SNX24: variants seen among roughly 807,000 people sequenced by gnomAD.
SNX24 encodes the protein sorting nexin 24.
Under a neutral mutation model 28.7 loss-of-function variants are expected in SNX24, and 22 were observed. The observed-to-expected ratio is 0.77, with a 90% CI of 0.55 to 1.10. SNX24 has a LOEUF of 1.10. Ranked by LOEUF, SNX24 falls within the 50% of genes least tolerant of loss-of-function variation. SNX24 has a pLI of 0.00. For missense variants in SNX24, 221 were observed against 201.1 expected (o/e 1.10, Z -0.60); for synonymous variants, 69 against 71.5 (o/e 0.96, Z 0.18).
intron 1 of SNX24, among the ~76,000 whole-genome samples, chr5:122,866,569 G>T (rs1755730998): frequency 6.6e-6 from 1 of 152,162 alleles, no homozygotes; most frequent in South Asian, 2.1e-4. Flanking sequence ...TGAAGGGTCT[G>T]GGCTATTAGT....
intron 3 of SNX24, among the ~76,000 whole-genome samples, chr5:122,959,313 A>G (rs898090774): frequency 5.5e-5 from 8 of 145,192 alleles, no homozygotes; most frequent in African/African-American, 1.5e-4. Flanking sequence ...TATTCCATTT[A>G]TCTCTACTCT....
At chr5:122,959,721 C>T (rs1760391225) in intron 3 of SNX24, among the ~76,000 whole-genome samples, 1 of 151,888 alleles carries the variant, frequency 6.6e-6, no homozygotes. Flanking sequence ...TTAGGTTACA[C>T]ACCTGTAAAG....
chr5:122,974,535 A>T (rs534419547), intron 3 of SNX24, among the ~76,000 whole-genome samples: 37 of 152,366 alleles, frequency 2.4e-4, no homozygotes, highest in African/African-American at 8.9e-4. Flanking sequence ...TGCCAAATCA[A>T]TGGCTGCATA....
chr5:122,882,246 C>T (rs1471312986), intron 1 of SNX24, among the ~76,000 whole-genome samples: 2 of 152,188 alleles, frequency 1.3e-5, no homozygotes, highest in Non-Finnish European at 2.9e-5. Context: ...CCACCACACA[C>T]ACTGAATTTT....
chr5:122,945,927 T>C, intron 2 of SNX24, 128 bp from the exon 3 acceptor site: 1 of 518,914 alleles, frequency 1.9e-6, no homozygotes. Context: ...TATTTTCCTC[T>C]ATTTTTTATT....
At chr5:122,971,896 G>A (rs1199944436) in intron 3 of SNX24, among the ~76,000 whole-genome samples, 1 of 151,890 alleles carries the variant, frequency 6.6e-6, no homozygotes, top group Non-Finnish European at 1.5e-5. Flanking sequence ...ACCTGGTGGA[G>A]TGATCCAAAC....
chr5:122,988,681 GA>G (rs1181636908), intron 3 of SNX24, among the ~76,000 whole-genome samples: 2 of 152,122 alleles, frequency 1.3e-5, no homozygotes, highest in African/African-American at 4.8e-5. Flanking sequence ...TACAGTCTAT[GA>G]TTTGTTTAAA....
At chr5:122,950,119 CA>C (rs1199907721) in intron 3 of SNX24, among the ~76,000 whole-genome samples, 3 of 152,162 alleles carry the variant, frequency 2.0e-5, no homozygotes, top group Admixed American at 6.5e-5. Flanking sequence ...TTAAGTATAA[CA>C]GTACCTTTCT....
intron 3 of SNX24, among the ~76,000 whole-genome samples, chr5:122,990,393 C>CT (rs1308685038): frequency 5.3e-5 from 8 of 152,268 alleles, no homozygotes; most frequent in African/African-American, 1.9e-4. Flanking sequence ...TATGTCTAAA[C>CT]TATAGTACAG....
At chr5:122,915,732 A>C (rs1036526757) in intron 1 of SNX24, among the ~76,000 whole-genome samples, 3 of 152,176 alleles carry the variant, frequency 2.0e-5, no homozygotes, top group Non-Finnish European at 2.9e-5. Context: ...GCTGGTCTTT[A>C]GTGTGGCCTG....
intron 1 of SNX24, chr5:122,853,628 A>G (rs1353044358): frequency 3.4e-5 from 12 of 350,376 alleles, no homozygotes; most frequent in African/African-American, 8.6e-5. Flanking sequence ...TTTTTTTTAG[A>G]TGTTATTTTC....
chr5:122,886,790 A>C (rs1196851537), intron 1 of SNX24, among the ~76,000 whole-genome samples: 1 of 151,866 alleles, frequency 6.6e-6, no homozygotes, highest in Non-Finnish European at 1.5e-5. Context: ...AGATCACGCC[A>C]TTGCACTCCA....
intron 3 of SNX24, among the ~76,000 whole-genome samples, chr5:122,996,543 A>C (rs1031346698): frequency 8.5e-5 from 13 of 152,236 alleles, no homozygotes; most frequent in African/African-American, 1.4e-4. Context: ...AATTATCCAA[A>C]CTTCAAAATG....
chr5:122,862,029 C>G (rs527537559), intron 1 of SNX24, among the ~76,000 whole-genome samples: 2 of 152,120 alleles, frequency 1.3e-5, no homozygotes, highest in African/African-American at 2.4e-5. Flanking sequence ...GGGCAGGGGC[C>G]GCTGACATGA....
In SNX24 at chr5:122,890,693, A is replaced by T. The variant is rs377369915; in HGVS notation, c.60+45000A>T. Among the ~76,000 whole-genome samples the T allele has an allele frequency of 3.9e-5, 6 of 152,164 alleles. No homozygotes were observed. The South Asian group carries it at 8.3e-4, about 21-fold the overall frequency. On this transcript the variant is annotated intron_variant, in intron 1 of 6. Coordinates refer to ENST00000261369, the MANE Select transcript of SNX24 (RefSeq NM_014035.4). ...ACCCTGTTGGCCAGGCTGGTCTCGA[A>T]CTTCTGACCTCAAGTGATCTGCCCG...
chr5:122,980,531 T>C (rs1761347625), intron 3 of SNX24, among the ~76,000 whole-genome samples: 2 of 151,984 alleles, frequency 1.3e-5, no homozygotes, highest in Non-Finnish European at 2.9e-5. Context: ...AAAATGAAGT[T>C]GCATTTCATA....
chr5:123,006,338 C>G (rs953289982), intron 6 of SNX24, among the ~76,000 whole-genome samples: 15 of 152,164 alleles, frequency 9.9e-5, no homozygotes, highest in Non-Finnish European at 1.9e-4. Flanking sequence ...TGACTTCACC[C>G]CTTCCCTCAC....
At chr5:122,938,939 CAAAAAAAAAAAAAAAAAAAAA>C (rs1033177759) in intron 2 of SNX24, among the ~76,000 whole-genome samples, 1 of 1,442 alleles carries the variant, frequency 6.9e-4, no homozygotes, top group Non-Finnish European at 9.0e-4. Flanking sequence ...GACTCCGTCT[CAAAAAAAAAAAAAAAAAAAAA>C]AAAAAAAAAA....
intron 6 of SNX24, among the ~76,000 whole-genome samples, chr5:123,003,424 T>A: frequency 6.6e-6 from 1 of 152,246 alleles, no homozygotes; most frequent in South Asian, 2.1e-4. Context: ...TAACAAATAT[T>A]CATAATGCAA....
Sources: allele counts gnomAD v4.1 joint callset (sites outside exome capture counted in the v4.1 genomes callset), GRCh38; gene constraint gnomAD v4.1.1; transcripts MANE v1.5; gene names NCBI Gene and HGNC (gene_info 2026-07-23, HGNC 2026-07-21).